Variants in ANKRD28 observed in about 807,000 individuals in gnomAD.
ANKRD28 encodes ankyrin repeat domain 28.
A neutral mutation model predicts 126.5 loss-of-function variants in ANKRD28; 44 were observed. The observed-to-expected ratio is 0.35, with a 90% CI of 0.27 to 0.45. The LOEUF is 0.45. ANKRD28 is among the 20% of genes least tolerant of loss of function. ANKRD28 has a pLI of 1.00. For synonymous variants in ANKRD28, 442 were observed against 468.5 expected (o/e 0.94, Z 0.73); for missense variants, 1,110 against 1,316.6 (o/e 0.84, Z 2.43).
intron 8 of ANKRD28, among the ~76,000 whole-genome samples, chr3:15,718,669 A>G (rs1263905468): frequency 1.3e-5 from 2 of 151,910 alleles, no homozygotes; most frequent in Admixed American, 1.3e-4. Flanking sequence ...TTTTAAAGAC[A>G]GCATCATGTG....
At chr3:15,850,222 T>TAGAGAGAGAGAGAG (rs1402127071) in intron 1 of ANKRD28, among the ~76,000 whole-genome samples, 9 of 41,800 alleles carry the variant, frequency 2.2e-4, no homozygotes, top group Admixed American at 6.4e-4. Context: ...TATATATATA[T>TAGAGAGAGAGAGAG]ATAGAGAGAG....
chr3:15,743,440 T>C (rs1390204103), intron 4 of ANKRD28, among the ~76,000 whole-genome samples: 1 of 152,116 alleles, frequency 6.6e-6, no homozygotes, highest in Non-Finnish European at 1.5e-5. Context: ...ATATCTCATG[T>C]GATAATGGAA....
chr3:15,776,367 A>C (rs911766975), intron 2 of ANKRD28, among the ~76,000 whole-genome samples: 1 of 152,250 alleles, frequency 6.6e-6, no homozygotes, highest in Non-Finnish European at 1.5e-5. Context: ...AATGTGAAAC[A>C]ACCCAATTAT....
chr3:15,792,964 C>G (rs781515908), intron 2 of ANKRD28, among the ~76,000 whole-genome samples: 1 of 151,974 alleles, frequency 6.6e-6, no homozygotes, highest in Non-Finnish European at 1.5e-5. Context: ...ACTAAAGAAA[C>G]TCATCTAAAA....
chr3:15,672,996 G>A (rs544038583), intron 27 of ANKRD28, among the ~76,000 whole-genome samples: 38 of 144,546 alleles, frequency 2.6e-4, no homozygotes, highest in African/African-American at 9.1e-4. Context: ...GGCTGGTCTC[G>A]AACTCCTGAC....
At chr3:15,673,096 C>T (rs1349250246) in intron 27 of ANKRD28, among the ~76,000 whole-genome samples, 4 of 152,174 alleles carry the variant, frequency 2.6e-5, no homozygotes, top group Non-Finnish European at 5.9e-5. Context: ...TCTTAACATG[C>T]CACTCTCTTT....
intron 1 of ANKRD28, among the ~76,000 whole-genome samples, chr3:15,850,222 TATAGAG>T (rs1471728818): frequency 1.6e-3 from 65 of 41,796 alleles, no homozygotes; most frequent in Middle Eastern, 0.013. Context: ...TATATATATA[TATAGAG>T]AGAGAGAGAG....
At position 15,670,168 on chromosome 3, in the gene ANKRD28, C is replaced by A; in HGVS notation, c.*102G>T. On this transcript the variant is annotated 3_prime_UTR_variant, in exon 28 of 28. Transcript: ENST00000683139. ...TCTTAACATTGGCTCACTGTGGGAT[C>A]TTTCCTCTTAGGTTGAATTTCTACG... 7.5e-7 allele frequency: 1 copy of A among 1,330,650 alleles called. No individual in the cohort carries two copies. The highest frequency in any genetic ancestry group is 1.0e-6 in the Non-Finnish European group (1 of 977,034). 82.4% of individuals were successfully genotyped at this position (1,330,650 alleles called of 1,614,324 possible). A position where few individuals can be genotyped will look rare whatever the true frequency, so the allele number is the denominator to read the frequency against.
chr3:15,850,204 A>AAAAAAAAATAT (rs1486394619), intron 1 of ANKRD28, among the ~76,000 whole-genome samples: 2 of 54,832 alleles, frequency 3.6e-5, no homozygotes, highest in African/African-American at 5.9e-5. Context: ...AAAAAAAAAA[A>AAAAAAAAATAT]ATATATATAT....
intron 6 of ANKRD28, among the ~76,000 whole-genome samples, chr3:15,729,321 C>T (rs1046922293): frequency 5.9e-5 from 9 of 152,308 alleles, no homozygotes; most frequent in Middle Eastern, 3.4e-3. Context: ...GTGGAACGTT[C>T]TGCTTGGATG....
At chr3:15,798,209 AAACGGCTT>A, upstream of ANKRD28, 1 of 977,886 alleles carries the variant, frequency 1.0e-6, no homozygotes, top group South Asian at 4.7e-5. Context: ...AAACAATTCC[AAACGGCTT>A]AACTGCTTTC....
rs1227627039 is a variant in ANKRD28, at chr3:15,742,551, G to A, written c.352-5318C>T. Among the ~76,000 whole-genome samples, 11 of 140,430 alleles carry A rather than the reference G, an allele frequency of 7.8e-5. No individual in the cohort carries two copies. In the East Asian group the frequency reaches 1.5e-3, roughly 19 times the overall value. The allele number at this position is 140,430 out of a possible 152,430, so 92.1% of individuals were successfully genotyped here. ...AGCCCCTCCGCCCGGCAGCCACCCC[G>A]TCTGGGAAGTGAGGAGCATCTCTGC... On this transcript the variant is annotated intron_variant, in intron 4 of 27. Coordinates refer to ENST00000683139, the MANE Select transcript of ANKRD28 (RefSeq NM_001349278.2).
intron 27 of ANKRD28, among the ~76,000 whole-genome samples, chr3:15,675,186 G>A (rs1243739571): frequency 1.3e-5 from 2 of 152,070 alleles, no homozygotes. Flanking sequence ...CATGAGAATC[G>A]CTTGAACCCA....
Position 15,669,758 on chromosome 3 carries a change from GGTA to G in ANKRD28, c.*509_*511del, listed in dbSNP as rs1559297920. On this transcript the variant is annotated 3_prime_UTR_variant, in exon 28 of 28. Coordinates refer to ENST00000683139, the MANE Select transcript of ANKRD28 (RefSeq NM_001349278.2). ...TCCAGAAATATTGCAGTTTGGTTTAGGTAATGTTTCATTTAATCTACTCCAGTT... is the reference window on the plus strand; with the variant it reads ...TCCAGAAATATTGCAGTTTGGTTTAGATGTTTCATTTAATCTACTCCAGTT... The G allele has an allele frequency of 6.6e-6, 1 of 152,136 alleles. No individual in the cohort carries two copies. Among genetic ancestry groups the G allele is most frequent in the African/African-American group, 2.4e-5 (1 of 41,290 alleles). 9.4% of individuals were successfully genotyped at this position (152,136 alleles called of 1,614,324 possible). A position where few individuals can be genotyped will look rare whatever the true frequency, so the allele number is the denominator to read the frequency against.
At chr3:15,785,583 A>G (rs1325774918) in intron 2 of ANKRD28, among the ~76,000 whole-genome samples, 1 of 152,110 alleles carries the variant, frequency 6.6e-6, no homozygotes, top group African/African-American at 2.4e-5. Flanking sequence ...CAAGGATATG[A>G]AACAATAGAG....
intron 1 of ANKRD28, among the ~76,000 whole-genome samples, chr3:15,855,360 A>C (rs565390187): frequency 1.6e-4 from 25 of 152,020 alleles, no homozygotes; most frequent in African/African-American, 3.9e-4. Context: ...ACAAAAAAAA[A>C]CCCAACACCT....
chr3:15,687,103 C>T (rs373443249), intron 18 of ANKRD28, among the ~76,000 whole-genome samples: 4 of 151,826 alleles, frequency 2.6e-5, no homozygotes, highest in African/African-American at 7.3e-5. Context: ...CCACCACACC[C>T]GGCGATTTTT....
chr3:15,702,835 CT>C (rs967725029), intron 14 of ANKRD28, among the ~76,000 whole-genome samples: 2 of 151,938 alleles, frequency 1.3e-5, no homozygotes, highest in African/African-American at 4.8e-5. Flanking sequence ...CACCCCACCC[CT>C]GGCCCAAAAA....
intron 14 of ANKRD28, chr3:15,697,508 TTG>T (rs1491085606): frequency 6.6e-6 from 1 of 152,046 alleles, no homozygotes; most frequent in African/African-American, 2.4e-5. Context: ...AATCATGTGT[TTG>T]TTTTTTTTTT....
Sources: gnomAD v4.1 joint callset for allele counts (sites outside exome capture counted in the v4.1 genomes callset) on GRCh38, gnomAD v4.1.1 for gene constraint, MANE v1.5 for transcripts, NCBI Gene and HGNC (gene_info 2026-07-23, HGNC 2026-07-21) for gene names.